The following C2orf66 variants were observed in gnomAD, a reference collection of about 807,000 sequenced individuals.
The protein encoded by C2orf66 is uncharacterized protein C2orf66.
C2orf66 carries 6 observed loss-of-function variants against 7.0 expected under a neutral mutation model. That is an observed-to-expected ratio of 0.86 (90% CI 0.47 to 1.69). C2orf66 has a LOEUF of 1.69. C2orf66 is among the 40% of genes most tolerant of loss of function. C2orf66 has a pLI of 0.01. For synonymous variants in C2orf66, 38 were observed against 43.8 expected, an observed-to-expected ratio of 0.87 and a Z score of 0.52; for missense variants, 107 against 112.0, an observed-to-expected ratio of 0.96 and a Z score of 0.20.
At chr2:196,809,432 G>A (rs763649596), upstream of C2orf66, 1 of 1,528,956 alleles carries the variant, frequency 6.5e-7, no homozygotes, top group South Asian at 1.2e-5. Context: ...GGAAACATCT[G>A]TAAAGGCAGA....
chr2:196,816,056 C>G, the C2orf66 span, among the ~76,000 whole-genome samples: 7 of 152,106 alleles, frequency 4.6e-5, no homozygotes, highest in Non-Finnish European at 7.4e-5. Context: ...GTGACAGCAA[C>G]AGATTTCAGT....
chr2:196,829,973 G>T, the C2orf66 span, among the ~76,000 whole-genome samples: 1 of 152,128 alleles, frequency 6.6e-6, no homozygotes, highest in Non-Finnish European at 1.5e-5. Context: ...AGGACAGGCA[G>T]ATAATTCGTA....
At chr2:196,809,771 A>C (rs543833889), upstream of C2orf66, 64 of 160,976 alleles carry the variant, frequency 4.0e-4, 1 homozygote, top group South Asian at 0.012. Flanking sequence ...TACTTCAGAT[A>C]CCGAGCTGAG....
chr2:196,829,529 CAGTGAGCTA>C, the C2orf66 span, among the ~76,000 whole-genome samples: 2 of 151,276 alleles, frequency 1.3e-5, no homozygotes, highest in South Asian at 4.2e-4. Flanking sequence ...GCAAAGGTTG[CAGTGAGCTA>C]ACATCCTGCC....
chr2:196,830,242 C>T, the C2orf66 span, among the ~76,000 whole-genome samples: 1 of 152,084 alleles, frequency 6.6e-6, no homozygotes, highest in Non-Finnish European at 1.5e-5. Flanking sequence ...TTTTGGGGCA[C>T]CTGTTAAAAA....
intron 2 of C2orf66, among the ~76,000 whole-genome samples, chr2:196,806,089 TGTG>T (rs1699816960): frequency 6.6e-6 from 1 of 152,184 alleles, no homozygotes; most frequent in Non-Finnish European, 1.5e-5. Flanking sequence ...AAATTACACT[TGTG>T]GGAGAATGGG....
chr2:196,809,236 T>C lies in C2orf66; in HGVS notation c.101A>G (p.Asn34Ser). 6.2e-7 allele frequency: 1 copy of C among 1,614,044 alleles called. No individual in the cohort carries two copies. Among genetic ancestry groups the C allele is most frequent in the Non-Finnish European group, 8.5e-7 (1 of 1,179,968 alleles). Residue 34 changes from asparagine (N) to serine (S), a missense_variant, in exon 1 of 3, where the codon AAC becomes AGC. By Grantham distance (46) the Asn-to-Ser change is conservative (BLOSUM62 1). Transcript: ENST00000342506. ...TACCAGATCTCTGTTTCTGGGGTTG[T>C]TGAGTGGCTTCCATTTGTCCTCATT... is the stretch of plus-strand genomic sequence containing the variant. ...VRNEDKWKPLNNPRNRDLFFR... is the reference protein window; with the variant it reads ...VRNEDKWKPLSNPRNRDLFFR...
chr2:196,819,064 T>C, the C2orf66 span, among the ~76,000 whole-genome samples: 582 of 152,356 alleles, frequency 3.8e-3, 2 homozygotes, highest in African/African-American at 0.014. Flanking sequence ...TTGAAATTGC[T>C]GTTGCTTCTG....
chr2:196,830,833 A>G, the C2orf66 span, among the ~76,000 whole-genome samples: 2 of 152,030 alleles, frequency 1.3e-5, no homozygotes, highest in Non-Finnish European at 2.9e-5. Flanking sequence ...CCCTATCTTG[A>G]GAGGCTTATG....
the C2orf66 span, among the ~76,000 whole-genome samples, chr2:196,830,520 C>T: frequency 6.6e-6 from 1 of 152,278 alleles, no homozygotes; most frequent in Admixed American, 6.5e-5. Context: ...AATTGGTCTG[C>T]TAAATGGCTG....
the C2orf66 span, among the ~76,000 whole-genome samples, chr2:196,822,089 AT>A: frequency 1.3e-5 from 2 of 151,318 alleles, no homozygotes; most frequent in East Asian, 1.9e-4. Flanking sequence ...TAATTTTTGT[AT>A]TTTTAGTAGA....
Position 196,807,505 on chromosome 2 carries a change from C to T in C2orf66, c.241G>A (p.Ala81Thr). The T allele has an allele frequency of 6.2e-7, 1 of 1,613,324 alleles. No homozygotes were observed. Among genetic ancestry groups the T allele is most frequent in the South Asian group, 1.1e-5 (1 of 90,858 alleles). Residue 81 changes from alanine (A) to threonine (T), a missense_variant, in exon 2 of 3, where the codon GCT becomes ACT. Ala to Thr is a moderately conservative substitution (Grantham distance 58). Transcript: ENST00000342506. ...RPLSFQSELT[A>T]SASADYEEQK... ...TCTTCATAATCTGCAGATGCAGAAG[C>T]AGTAAGTTCTGACTGGAAAGAGAGA...
the C2orf66 span, among the ~76,000 whole-genome samples, chr2:196,825,790 G>A: frequency 6.6e-6 from 1 of 152,118 alleles, no homozygotes; most frequent in Non-Finnish European, 1.5e-5. Context: ...TGACACTAAT[G>A]CTCTCACACA....
At chr2:196,823,002 T>C in the C2orf66 span, among the ~76,000 whole-genome samples, 2 of 145,976 alleles carry the variant, frequency 1.4e-5, no homozygotes, top group Non-Finnish European at 3.0e-5. Flanking sequence ...TCTTGTTGTT[T>C]AAATAAACTT....
the C2orf66 span, among the ~76,000 whole-genome samples, chr2:196,818,061 G>A: frequency 6.6e-6 from 1 of 152,228 alleles, no homozygotes; most frequent in Non-Finnish European, 1.5e-5. Context: ...AGGATTAAGA[G>A]ATTAAAGTAA....
upstream of C2orf66, among the ~76,000 whole-genome samples, chr2:196,810,714 T>C (rs753973436): frequency 6.6e-6 from 1 of 152,238 alleles, no homozygotes; most frequent in Admixed American, 6.5e-5. Flanking sequence ...TCTTGCCATC[T>C]TGACCCTGGG....
chr2:196,826,986 G>A, the C2orf66 span, among the ~76,000 whole-genome samples: 26 of 152,078 alleles, frequency 1.7e-4, no homozygotes, highest in African/African-American at 5.8e-4. Context: ...AGCAGAGATC[G>A]CACCACTGCA....
upstream of C2orf66, among the ~76,000 whole-genome samples, chr2:196,811,841 T>G (rs1375515152): frequency 6.6e-6 from 1 of 152,142 alleles, no homozygotes; most frequent in Non-Finnish European, 1.5e-5. Context: ...TTTGAGAAAT[T>G]TTAACATGTA....
chr2:196,822,730 C>G, the C2orf66 span, among the ~76,000 whole-genome samples: 2 of 152,270 alleles, frequency 1.3e-5, no homozygotes, highest in East Asian at 3.9e-4. Context: ...TACCCCCTTT[C>G]TCCATTAGCG....
Sources: allele counts gnomAD v4.1 joint callset (sites outside exome capture counted in the v4.1 genomes callset), GRCh38; gene constraint gnomAD v4.1.1; transcripts MANE v1.5; gene names NCBI Gene and HGNC (gene_info 2026-07-23, HGNC 2026-07-21).